Variants in DSCAM observed in about 807,000 individuals in gnomAD.
DSCAM encodes cell adhesion molecule DSCAM.
Under a neutral mutation model 217.7 loss-of-function variants are expected in DSCAM, and 47 were observed. The observed-to-expected ratio is 0.22, with a 90% CI of 0.17 to 0.28. DSCAM has a LOEUF of 0.28. Ranked by LOEUF, DSCAM falls within the 10% of genes least tolerant of loss-of-function variation. DSCAM has a pLI of 1.00. For missense variants in DSCAM, 2,080 were observed against 2,618.3 expected, an observed-to-expected ratio of 0.79 and a Z score of 4.49; for synonymous variants, 1,056 against 1,015.3, an observed-to-expected ratio of 1.04 and a Z score of -0.76.
At chr21:40,262,764 T>G (rs1765607547) in intron 11 of DSCAM, among the ~76,000 whole-genome samples, 1 of 152,172 alleles carries the variant, frequency 6.6e-6, no homozygotes, top group African/African-American at 2.4e-5. Context: ...AGAAATGAGG[T>G]ACAAGGACAG....
At chr21:40,436,356 G>A (rs539434145) in intron 3 of DSCAM, among the ~76,000 whole-genome samples, 18 of 152,210 alleles carry the variant, frequency 1.2e-4, no homozygotes, top group South Asian at 4.1e-4. Flanking sequence ...CAGTATTTTC[G>A]GGTTTAAGTT....
At chr21:40,205,528 G>A (rs1404633612) in intron 11 of DSCAM, among the ~76,000 whole-genome samples, 3 of 151,530 alleles carry the variant, frequency 2.0e-5, no homozygotes, top group Non-Finnish European at 4.4e-5. Flanking sequence ...GCTTAAACCC[G>A]GGAGATGGAG....
At chr21:40,113,048 C>A (rs1448598777) in intron 20 of DSCAM, among the ~76,000 whole-genome samples, 2 of 152,174 alleles carry the variant, frequency 1.3e-5, no homozygotes, top group Non-Finnish European at 2.9e-5. Context: ...AAGAGGAAAT[C>A]CTCCCTAACT....
At chr21:40,368,565 A>T (rs2123696716) in intron 4 of DSCAM, among the ~76,000 whole-genome samples, 1 of 152,350 alleles carries the variant, frequency 6.6e-6, no homozygotes, top group East Asian at 1.9e-4. Flanking sequence ...TCAGGCAGTG[A>T]TGTTTTAAAT....
intron 32 of DSCAM, among the ~76,000 whole-genome samples, chr21:40,031,302 C>G (rs576683839): frequency 7.0e-6 from 1 of 142,192 alleles, no homozygotes. Context: ...GATTCCAGCT[C>G]TACAGATGAC....
At chr21:40,488,459 A>C (rs1301457380) in intron 3 of DSCAM, among the ~76,000 whole-genome samples, 1 of 152,176 alleles carries the variant, frequency 6.6e-6, no homozygotes. Flanking sequence ...TTCAATGAGA[A>C]ACTGCTGAAC....
At chr21:40,497,575 A>G (rs2076129187) in intron 3 of DSCAM, among the ~76,000 whole-genome samples, 1 of 152,194 alleles carries the variant, frequency 6.6e-6, no homozygotes, top group Non-Finnish European at 1.5e-5. Context: ...TGCAATTAAT[A>G]ACAACATATT....
intron 3 of DSCAM, among the ~76,000 whole-genome samples, chr21:40,402,456 G>A (rs976392206): frequency 6.6e-6 from 1 of 152,062 alleles, no homozygotes; most frequent in African/African-American, 2.4e-5. Context: ...ATTAGAACAA[G>A]TATCTGCCTA....
intron 3 of DSCAM, among the ~76,000 whole-genome samples, chr21:40,612,037 C>T (rs1044269399): frequency 6.6e-5 from 10 of 152,136 alleles, no homozygotes; most frequent in African/African-American, 2.4e-4. Context: ...TCAGAGAGCA[C>T]ATTGTGAGAT....
intron 4 of DSCAM, among the ~76,000 whole-genome samples, chr21:40,359,557 G>C (rs2074735020): frequency 6.6e-6 from 1 of 152,188 alleles, no homozygotes; most frequent in Admixed American, 6.5e-5. Context: ...TAATCAAAAA[G>C]TGGAAACAAC....
intron 9 of DSCAM, among the ~76,000 whole-genome samples, chr21:40,305,651 T>A (rs887602025): frequency 6.6e-6 from 1 of 152,192 alleles, no homozygotes; most frequent in Non-Finnish European, 1.5e-5. Flanking sequence ...GTTTCAGCTT[T>A]CTACATATGG....
intron 3 of DSCAM, among the ~76,000 whole-genome samples, chr21:40,420,781 C>T (rs1455495274): frequency 2.0e-4 from 31 of 152,096 alleles, no homozygotes; most frequent in Non-Finnish European, 2.9e-5. Context: ...GATGATGTTT[C>T]TACAAGCCAA....
intron 1 of DSCAM, among the ~76,000 whole-genome samples, chr21:40,780,409 GTGTGTGTGTGTGTGTA>G (rs994113270): frequency 1.2e-4 from 9 of 76,608 alleles, no homozygotes; most frequent in African/African-American, 3.6e-4. Flanking sequence ...GTGTGTGTGT[GTGTGTGTGTGTGTGTA>G]TATATATATA....
At chr21:40,176,433 A>G (rs2090732475) in intron 15 of DSCAM, among the ~76,000 whole-genome samples, 1 of 152,112 alleles carries the variant, frequency 6.6e-6, no homozygotes, top group Non-Finnish European at 1.5e-5. Flanking sequence ...CAGTGGGACA[A>G]GGTCACCTCA....
At chr21:40,699,803 C>A (rs1036233211) in intron 2 of DSCAM, among the ~76,000 whole-genome samples, 2 of 152,180 alleles carry the variant, frequency 1.3e-5, no homozygotes, top group Non-Finnish European at 2.9e-5. Context: ...AAGAAGCAAT[C>A]TTTATAACAT....
At chr21:40,401,785 A>G (rs1026132647) in intron 3 of DSCAM, among the ~76,000 whole-genome samples, 17 of 150,222 alleles carry the variant, frequency 1.1e-4, no homozygotes, top group Non-Finnish European at 2.2e-4. Flanking sequence ...AGCCCAGCCC[A>G]AGCCAGGGCC....
chr21:40,667,481 G>A (rs780301758), intron 3 of DSCAM, among the ~76,000 whole-genome samples: 1 of 152,174 alleles, frequency 6.6e-6, no homozygotes, highest in African/African-American at 2.4e-5. Flanking sequence ...TGTCTAACTT[G>A]GGACAAATCT....
At chr21:40,312,497 G>A in intron 8 of DSCAM, 138 bp from the exon 9 acceptor site, 1 of 970,698 alleles carries the variant, frequency 1.0e-6, no homozygotes, top group Non-Finnish European at 1.5e-6. Context: ...TAGCAAATTT[G>A]AAATTCTGCT....
At chr21:40,752,870 A>G (rs1348795288) in intron 1 of DSCAM, among the ~76,000 whole-genome samples, 1 of 152,242 alleles carries the variant, frequency 6.6e-6, no homozygotes, top group Non-Finnish European at 1.5e-5. Flanking sequence ...GTTCACTAGT[A>G]TATCCCCAGA....
Sources: allele counts gnomAD v4.1 joint callset (sites outside exome capture counted in the v4.1 genomes callset), GRCh38; gene constraint gnomAD v4.1.1; transcripts MANE v1.5; gene names NCBI Gene and HGNC (gene_info 2026-07-23, HGNC 2026-07-21).